The following ECD variants were observed in gnomAD, a reference collection of about 807,000 sequenced individuals.
ECD encodes protein ecdysoneless homolog.
A neutral mutation model predicts 77.2 loss-of-function variants in ECD; 59 were observed. That is an observed-to-expected ratio of 0.76 (90% CI 0.62 to 0.95). The LOEUF (loss-of-function observed/expected upper bound fraction) is 0.95. Among genes scored for constraint, ECD ranks in the 40% least tolerant of loss-of-function variants. The pLI is 0.00. For missense variants in ECD, 704 were observed against 763.4 expected, an observed-to-expected ratio of 0.92 and a Z score of 0.92; for synonymous variants, 233 against 267.4, an observed-to-expected ratio of 0.87 and a Z score of 1.26.
Position 73,136,897 on chromosome 10 carries a change from T to G in ECD, c.1511A>C (p.Asp504Ala), listed in dbSNP as rs147899211. 9.2e-4 allele frequency: 1,490 copies of G among 1,613,674 alleles called. 4 individuals carry two copies. The highest frequency in any genetic ancestry group is 1.1e-3 in the Non-Finnish European group (1,345 of 1,179,918). The change falls in exon 13 of 14, where the codon GAT becomes GCT. Residue 504 changes from aspartate (D) to alanine (A), a missense_variant. This residue lies in a region of ECD where 3 missense variants were observed against 16.1 expected (regional missense o/e 0.19). Transcript: ENST00000372979. ...KILGPRPNES[D>A]SDDLDDEDFE... ...GTCTTCATCATCCAGATCATCAGAA[T>G]CTGACTCATTAGGCCTTGGCCCTAC... is the stretch of plus-strand genomic sequence containing the variant.
At chr10:73,139,855 T>TTTTTTTTTTTTTTTTTTTTTTTTG (rs1843029569) in intron 9 of ECD, 118 bp from the exon 10 acceptor site, 1 of 662,818 alleles carries the variant, frequency 1.5e-6, no homozygotes, top group Non-Finnish European at 2.4e-6. Context: ...GAGTGTTTTT[T>TTTTTTTTTTTTTTTTTTTTTTTTG]TTTTTTTTTT....
Position 73,156,288 on chromosome 10 carries a change from T to C in ECD, c.577A>G (p.Arg193Gly). Reference protein sequence around the residue: ...ASESIRAAVNRRIRGYPEKIQ... With the variant: ...ASESIRAAVNGRIRGYPEKIQ... ...TATTTTTCTTACCCTCTGATGCGCC[T>C]ATTCACAGCAGCTCGTATAGATTCT... is the stretch of plus-strand genomic sequence containing the variant. The change falls in exon 5 of 14, where the codon AGG (arginine) becomes GGG (glycine). Residue 193 changes from arginine (R) to glycine (G), a missense_variant. This residue lies in a region of ECD where 559 missense variants were observed against 583.7 expected (regional missense o/e 0.96). Transcript: ENST00000372979. 11 of 1,594,300 alleles carry C rather than the reference T, an allele frequency of 6.9e-6. No individual in the cohort carries two copies. Among genetic ancestry groups the C allele is most frequent in the Non-Finnish European group, 9.4e-6 (11 of 1,173,356 alleles).
At chr10:73,146,616 A>G (rs530505420) in intron 8 of ECD, among the ~76,000 whole-genome samples, 76 of 152,188 alleles carry the variant, frequency 5.0e-4, no homozygotes, top group African/African-American at 1.8e-3. Flanking sequence ...AAAGTTTTCC[A>G]CCATTTTCTT....
chr10:73,146,564 T>G (rs532900785), intron 8 of ECD, among the ~76,000 whole-genome samples: 1 of 152,322 alleles, frequency 6.6e-6, no homozygotes, highest in South Asian at 2.1e-4. Context: ...GATGTAGTGA[T>G]TCCTAATCTT....
At chr10:73,163,704 A>G in intron 2 of ECD, 29 bp downstream of exon 2, 1 of 1,605,636 alleles carries the variant, frequency 6.2e-7, no homozygotes, top group South Asian at 1.1e-5. Flanking sequence ...TAAAAGTCAC[A>G]CTAATCCAAA....
chr10:73,150,552 C>A (rs1843188719), intron 7 of ECD, among the ~76,000 whole-genome samples: 1 of 152,152 alleles, frequency 6.6e-6, no homozygotes, highest in African/African-American at 2.4e-5. Context: ...AGAGCTTCTG[C>A]ACAGCAAAAG....
rs1368472180 is a variant in ECD, at chr10:73,134,586, A to AT, written c.1931dup (p.Asn644LysfsTer17). ...AAAGAGAAGCTAAATGTGCTGGTTAATTTTTTGTTGGCTTACTTGTTGGTC... is the reference window on the plus strand; with the variant it reads ...AAAGAGAAGCTAAATGTGCTGGTTAATTTTTTTGTTGGCTTACTTGTTGGTC... On this transcript the variant is annotated frameshift_variant, in exon 14 of 14. Coordinates refer to ENST00000372979, the MANE Select transcript of ECD (RefSeq NM_007265.3). LOFTEE classifies it high-confidence loss of function. 8.1e-6 allele frequency: 13 copies of AT among 1,612,572 alleles called. No individual in the cohort carries two copies. The highest frequency in any genetic ancestry group is 1.1e-5 in the Non-Finnish European group (13 of 1,178,900).
At chr10:73,143,832 C>CTTTT (rs541608935) in intron 9 of ECD, among the ~76,000 whole-genome samples, 3,571 of 106,550 alleles carry the variant, frequency 0.034, 255 homozygotes, top group African/African-American at 0.12. Context: ...TTATAACTTG[C>CTTTT]TTTTTTTTTT....
rs372951554 is a variant in ECD, at chr10:73,139,620, C to T, written c.1234+11G>A. 616 of 1,598,878 alleles carry T rather than the reference C, an allele frequency of 3.9e-4. No individual in the cohort carries two copies. Among genetic ancestry groups the T allele is most frequent in the Non-Finnish European group, 5.0e-4 (592 of 1,172,842 alleles). On this transcript the variant is annotated intron_variant, in intron 10 of 13. Coordinates refer to ENST00000372979, the MANE Select transcript of ECD (RefSeq NM_007265.3). ...TTTAACCCTTCCACTGTATCCTGGTCCATCACTTACCATCCTCTGGGGGAA... is the reference window on the plus strand; with the variant it reads ...TTTAACCCTTCCACTGTATCCTGGTTCATCACTTACCATCCTCTGGGGGAA...
intron 6 of ECD, 138 bp from the exon 7 acceptor site, chr10:73,152,559 A>T: frequency 1.0e-6 from 1 of 980,782 alleles, no homozygotes; most frequent in Non-Finnish European, 1.5e-6. Context: ...CAACCTATTC[A>T]TTGCCTACTT....
chr10:73,162,183 G>A (rs1843388690), intron 2 of ECD, among the ~76,000 whole-genome samples: 2 of 152,222 alleles, frequency 1.3e-5, no homozygotes, highest in South Asian at 4.1e-4. Context: ...CAGCAACAGT[G>A]TTAGGAACTA....
chr10:73,144,290 C>T (rs909017591), intron 9 of ECD, among the ~76,000 whole-genome samples: 16 of 152,060 alleles, frequency 1.1e-4, no homozygotes, highest in Non-Finnish European at 2.2e-4. Flanking sequence ...TGATATTATA[C>T]GTAGGAGCTA....
At chr10:73,140,371 G>T (rs1843037836) in intron 9 of ECD, among the ~76,000 whole-genome samples, 1 of 151,654 alleles carries the variant, frequency 6.6e-6, no homozygotes, top group Non-Finnish European at 1.5e-5. Flanking sequence ...TACAGAAGGG[G>T]TCAAAGAAAA....
chr10:73,165,948 T>C (rs898877792), intron 1 of ECD, among the ~76,000 whole-genome samples: 3 of 152,142 alleles, frequency 2.0e-5, no homozygotes, highest in Non-Finnish European at 4.4e-5. Flanking sequence ...CCTTTAACCA[T>C]ACTCCCCCAC....
In ECD at chr10:73,152,423, T is replaced by C; in HGVS notation, c.784-2A>G. On this transcript the variant is annotated splice_acceptor_variant, in intron 6 of 13. Transcript: ENST00000372979. LOFTEE classifies it high-confidence loss of function. Reference sequence around the variant, plus strand: ...ATATAGACATTTAGTGAATGTGACCTGGGCATCAAGACACAAAATACATGA... The same window carrying C: ...ATATAGACATTTAGTGAATGTGACCCGGGCATCAAGACACAAAATACATGA... 1 of 1,611,064 alleles carries C rather than the reference T, an allele frequency of 6.2e-7. No individual in the cohort carries two copies. The highest frequency in any genetic ancestry group is 1.7e-4 in the Middle Eastern group (1 of 6,056).
Position 73,152,382 on chromosome 10 carries a change from GT to G in ECD, c.822del (p.Gln274HisfsTer29). 1 of 1,613,816 alleles carries G rather than the reference GT, an allele frequency of 6.2e-7. No homozygotes were observed. The highest frequency in any genetic ancestry group is 8.5e-7 in the Non-Finnish European group (1 of 1,179,794). ...FTKCLYAQLV[Q>X]QRFVPDRRSG... ...CTCCGCCGGTCTGGCACAAACCTTTGTTGCACCAATTGTGCATATAGACATT... is the reference window on the plus strand; with the variant it reads ...CTCCGCCGGTCTGGCACAAACCTTTGTGCACCAATTGTGCATATAGACATT... On this transcript the variant is annotated frameshift_variant, in exon 7 of 14. Transcript: ENST00000372979. LOFTEE classifies it high-confidence loss of function.
At chr10:73,145,556 T>G (rs958371503) in intron 9 of ECD, among the ~76,000 whole-genome samples, 1 of 151,936 alleles carries the variant, frequency 6.6e-6, no homozygotes, top group African/African-American at 2.4e-5. Context: ...CAACATAAAT[T>G]AAAATGTTGG....
Position 73,134,394 on chromosome 10 carries a change from G to A in ECD, c.*189C>T. On this transcript the variant is annotated 3_prime_UTR_variant, in exon 14 of 14. Transcript: ENST00000372979. ...TTCTACCCTGCCGAGTTCAAAACCT[G>A]TGTATAACCCACAGCTGAGATCACA... The A allele has an allele frequency of 3.3e-6, 2 of 601,660 alleles. No homozygotes were observed. The highest frequency in any genetic ancestry group is 5.8e-6 in the Non-Finnish European group (2 of 345,760). The allele number at this position is 601,660 out of a possible 1,614,324, so 37.3% of individuals were successfully genotyped here.
In ECD at chr10:73,146,362, C is replaced by CT; in HGVS notation, c.1042-2dup. On this transcript the variant is annotated splice_acceptor_variant, in intron 8 of 13. Coordinates refer to ENST00000372979, the MANE Select transcript of ECD (RefSeq NM_007265.3). LOFTEE classifies it high-confidence loss of function. Reference sequence around the variant, plus strand: ...ACTGAGCAGAACCTTCTATCAGTCCCTTAAAAAAAAAAAAAGGTCTATCAG... The same window carrying CT: ...ACTGAGCAGAACCTTCTATCAGTCCCTTTAAAAAAAAAAAAAGGTCTATCAG... The CT allele has an allele frequency of 6.3e-7, 1 of 1,579,212 alleles. No individual in the cohort carries two copies. The highest frequency in any genetic ancestry group is 8.6e-7 in the Non-Finnish European group (1 of 1,165,144).
Sources: allele counts gnomAD v4.1 joint callset (sites outside exome capture counted in the v4.1 genomes callset), GRCh38; gene constraint gnomAD v4.1.1; regional missense constraint gnomAD v4.1.1; transcripts MANE v1.5; gene names NCBI Gene and HGNC (gene_info 2026-07-23, HGNC 2026-07-21).